Variants in ADAR observed in about 807,000 individuals in gnomAD.
The protein encoded by ADAR is adenosine deaminase RNA specific, also known as double-stranded RNA-specific adenosine deaminase.
A neutral mutation model predicts 113.2 loss-of-function variants in ADAR; 41 were observed. The ratio of observed to expected loss-of-function variants is 0.36; its 90% CI spans 0.28 to 0.47. ADAR has a LOEUF of 0.47. Ranked by LOEUF, ADAR falls within the 20% of genes least tolerant of loss-of-function variation. The pLI, the probability that ADAR is intolerant of heterozygous loss-of-function variation, is 1.00. For synonymous variants in ADAR, 605 were observed against 572.6 expected (o/e 1.06, Z -0.81); for missense variants, 1,242 against 1,540.9 (o/e 0.81, Z 3.25).
intron 1 of ADAR, among the ~76,000 whole-genome samples, chr1:154,606,958 A>ATC (rs917102449): frequency 9.9e-5 from 15 of 150,990 alleles, no homozygotes; most frequent in African/African-American, 3.2e-4. Flanking sequence ...ATATATATAT[A>ATC]TCTTAACAAA....
At position 154,601,129 on chromosome 1, in the gene ADAR, T is replaced by C; in HGVS notation, c.1513A>G (p.Ile505Val). 6.2e-7 allele frequency: 1 copy of C among 1,614,186 alleles called. No individual in the cohort carries two copies. Among genetic ancestry groups the C allele is most frequent in the South Asian group, 1.1e-5 (1 of 91,088 alleles). ...KLTECQLKNP[I>V]SGLLEYAQFA... ...TGGGCATATTCTAACAGCCCGCTGA[T>C]GGGGTTCTTCAGCTGGCACTCTGTC... The change falls in exon 2 of 15, where the codon ATC becomes GTC. Residue 505 changes from isoleucine to valine, a missense_variant. Transcript: ENST00000368474. The surrounding 1 kb of genome is among the most constrained non-coding windows in gnomAD (Gnocchi z 4.7).
intron 1 of ADAR, among the ~76,000 whole-genome samples, chr1:154,626,776 T>A (rs1698948829): frequency 6.6e-6 from 1 of 152,264 alleles, no homozygotes. Context: ...AGCTGCAAAG[T>A]GGCAGACCTG....
intron 13 of ADAR, 51 bp from the exon 14 acceptor site, chr1:154,585,395 G>A (rs1696689076): frequency 6.2e-7 from 1 of 1,612,826 alleles, no homozygotes; most frequent in African/African-American, 1.3e-5. Context: ...TCAGGAATAA[G>A]ATTCTGAAGC....
At chr1:154,626,279 T>C (rs1698937239) in intron 1 of ADAR, among the ~76,000 whole-genome samples, 1 of 151,938 alleles carries the variant, frequency 6.6e-6, no homozygotes, top group Non-Finnish European at 1.5e-5. Context: ...CATGCTGGTC[T>C]AATTTTTGTA....
intron 6 of ADAR, 98 bp downstream of exon 6, chr1:154,596,707 C>T (rs1357355779): frequency 6.9e-7 from 1 of 1,439,618 alleles, no homozygotes; most frequent in Non-Finnish European, 9.7e-7. Flanking sequence ...CAACTCGCCC[C>T]TTCTGTCCTA....
upstream of ADAR, among the ~76,000 whole-genome samples, chr1:154,612,968 T>A (rs1698531424): frequency 6.6e-6 from 1 of 151,536 alleles, no homozygotes. Context: ...CATGCCACCA[T>A]GCCTGGGTAA....
rs1325974852 is a variant in ADAR at position 154,584,995 on chromosome 1, T to C, written c.3492A>G (p.Leu1164=). ...AACGGAAGGAGCAGAGCTTCTTAAA[T>C]AGAAGAAAAATGTTCTTTTTGGAGA... ...SRVSKKNIFL[L]FKKLCSFRYR... The change falls in exon 15 of 15, where the codon CTA becomes CTG. Residue 1164 remains leucine (L), a synonymous_variant. Coordinates refer to ENST00000368474, the MANE Select transcript of ADAR (RefSeq NM_001111.5). 3.1e-6 allele frequency: 5 copies of C among 1,613,998 alleles called. No individual in the cohort carries two copies. The highest frequency in any genetic ancestry group is 3.3e-5 in the Admixed American group (2 of 60,010).
upstream of ADAR, among the ~76,000 whole-genome samples, chr1:154,612,657 AT>A (rs1294597551): frequency 6.6e-6 from 1 of 151,916 alleles, no homozygotes. Context: ...CCAGGGCATC[AT>A]TTTAGAATAA....
intron 6 of ADAR, among the ~76,000 whole-genome samples, chr1:154,595,635 A>G (rs1014682924): frequency 6.6e-6 from 1 of 152,226 alleles, no homozygotes; most frequent in African/African-American, 2.4e-5. Context: ...GGAACAAAAA[A>G]TAAAAAAGTT....
At chr1:154,604,937 A>G (rs1381170097) in intron 1 of ADAR, among the ~76,000 whole-genome samples, 1 of 152,240 alleles carries the variant, frequency 6.6e-6, no homozygotes, top group Non-Finnish European at 1.5e-5. Flanking sequence ...ATATCCTGCC[A>G]TAACTCAAAC....
At position 154,617,086 on chromosome 1, in the gene ADAR, T is replaced by C. The variant is rs539813477; in HGVS notation, c.-871+10769A>G. Among the ~76,000 whole-genome samples, 40 of 152,356 alleles carry C rather than the reference T, an allele frequency of 2.6e-4. 1 individual carries two copies. Among genetic ancestry groups the C allele is most frequent in the Non-Finnish European group, 4.9e-4 (33 of 68,024 alleles). On this transcript the variant is annotated intron_variant, in intron 1 of 14. Coordinates refer to the ADAR transcript ENST00000368471. ...ACTGGGGCACTATTATCCTGACTCA[T>C]AGACATAGTGAGAGATAACTTATCA...
chr1:154,597,385 GTGCAGTCACATCTCA>G (rs1175419320), intron 4 of ADAR, 118 bp from the exon 5 acceptor site: 151 of 1,239,164 alleles, frequency 1.2e-4, no homozygotes, highest in Admixed American at 6.6e-4. Flanking sequence ...CATCACCTCT[GTGCAGTCACATCTCA>G]TGCAGTCACT....
intron 1 of ADAR, among the ~76,000 whole-genome samples, chr1:154,622,185 C>T (rs537970326): frequency 2.0e-5 from 3 of 152,054 alleles, no homozygotes; most frequent in Non-Finnish European, 2.9e-5. Flanking sequence ...ACATATCCTG[C>T]GGCAGAGCGT....
chr1:154,589,996 A>G (rs989910480), intron 7 of ADAR, 68 bp from the exon 8 acceptor site: 2 of 1,593,240 alleles, frequency 1.3e-6, no homozygotes, highest in Admixed American at 3.4e-5. Flanking sequence ...CACCGTGGGC[A>G]GGGAGATCAA....
At chr1:154,612,122 T>C (rs1698502408), upstream of ADAR, among the ~76,000 whole-genome samples, 1 of 152,170 alleles carries the variant, frequency 6.6e-6, no homozygotes. Context: ...TAATCTGTAA[T>C]TTCCTATAAC....
chr1:154,589,699 T>C, intron 8 of ADAR, 58 bp downstream of exon 8: 1 of 1,606,040 alleles, frequency 6.2e-7, no homozygotes, highest in East Asian at 2.2e-5. Context: ...CAGGGGAGGA[T>C]GAGAGGCACC....
chr1:154,588,409 T>C (rs1696906221), intron 10 of ADAR, 142 bp downstream of exon 10: 2 of 1,486,930 alleles, frequency 1.3e-6, no homozygotes, highest in Admixed American at 1.7e-5. Flanking sequence ...GTGAGTCATC[T>C]ACACCTGAAT....
At chr1:154,626,491 T>C (rs185724839) in intron 1 of ADAR, among the ~76,000 whole-genome samples, 1 of 152,246 alleles carries the variant, frequency 6.6e-6, no homozygotes. Context: ...ATTTTGAGAT[T>C]TCCCCTCCAC....
intron 2 of ADAR, among the ~76,000 whole-genome samples, chr1:154,599,899 C>T (rs900625687): frequency 1.3e-5 from 2 of 152,244 alleles, no homozygotes; most frequent in South Asian, 4.1e-4. Flanking sequence ...CCACCTTCAA[C>T]AGGCAGGCAG....
Sources: gnomAD v4.1 joint callset for allele counts (sites outside exome capture counted in the v4.1 genomes callset) on GRCh38, gnomAD v4.1.1 for gene constraint, Gnocchi (gnomAD v3.1) non-coding constraint, MANE v1.5 for transcripts, NCBI Gene and HGNC (gene_info 2026-07-23, HGNC 2026-07-21) for gene names.